Variants in VCAN observed in about 807,000 individuals in gnomAD.
The protein encoded by VCAN is versican core protein.
Under a neutral mutation model 245.5 loss-of-function variants are expected in VCAN, and 44 were observed. The ratio of observed to expected loss-of-function variants is 0.18; its 90% CI spans 0.14 to 0.23. The LOEUF (loss-of-function observed/expected upper bound fraction) is 0.23, where lower values mean the gene tolerates loss of function less well. Ranked by LOEUF, VCAN falls within the 10% of genes least tolerant of loss-of-function variation. VCAN has a pLI of 1.00. For synonymous variants in VCAN, 1,413 were observed against 1,437.0 expected (o/e 0.98, Z 0.38); for missense variants, 3,793 against 4,057.9 (o/e 0.93, Z 1.77).
At chr5:83,536,010 T>C (rs1247990677) in intron 7 of VCAN, 1 of 152,192 alleles carries the variant, frequency 6.6e-6, no homozygotes, top group Non-Finnish European at 1.5e-5. Context: ...CCTCAGAATT[T>C]CCTCTTTCCT....
chr5:83,511,317 A>C (rs1243069495), intron 5 of VCAN, among the ~76,000 whole-genome samples: 1 of 152,044 alleles, frequency 6.6e-6, no homozygotes, highest in East Asian at 2.0e-4. Flanking sequence ...TGTCTTTGTA[A>C]GAATTAGCAA....
Position 83,519,710 on chromosome 5 carries a change from T to C in VCAN, c.1404T>C (p.His468=). 2 of 1,614,186 alleles carry C rather than the reference T, an allele frequency of 1.2e-6. No homozygotes were observed. The highest frequency in any genetic ancestry group is 1.1e-5 in the South Asian group (1 of 91,084). ...EVLQSTTGVS[H]YATDSWDGVV... is the part of the protein sequence containing the mutation. ...TCCAGAGTACAACTGGCGTCTCTCA[T>C]TATGCTACGGATTCATGGGATGGTG... The change falls in exon 7 of 15, where the codon CAT becomes CAC. Residue 468 remains histidine, a synonymous_variant. Transcript: ENST00000265077.
At position 83,519,819 on chromosome 5, in the gene VCAN, T is replaced by C. The variant is rs1262860008; in HGVS notation, c.1513T>C (p.Leu505=). 1.2e-6 allele frequency: 2 copies of C among 1,614,028 alleles called. No homozygotes were observed. The highest frequency in any genetic ancestry group is 2.7e-5 in the African/African-American group (2 of 74,924). Reference sequence around the variant, plus strand: ...TCCTTTGGTAACATCTATGGAAATCTTAAAGCACATTCCTTCCAAGGAATT... The same window carrying C: ...TCCTTTGGTAACATCTATGGAAATCCTAAAGCACATTCCTTCCAAGGAATT... ...VGPLVTSMEI[L]KHIPSKEFPV... is the part of the protein sequence containing the mutation. Residue 505 remains leucine, a synonymous_variant, in exon 7 of 15, where the codon TTA becomes CTA. Coordinates refer to ENST00000265077, the MANE Select transcript of VCAN (RefSeq NM_004385.5).
At chr5:83,545,463 G>C in intron 8 of VCAN, 74 bp from the exon 9 acceptor site, 1 of 1,155,046 alleles carries the variant, frequency 8.7e-7, no homozygotes, top group Non-Finnish European at 1.3e-6. Flanking sequence ...GCAATATGGG[G>C]CGTTTTATGC....
chr5:83,537,824 T>C lies in VCAN; in HGVS notation c.4821T>C (p.Pro1607=). The change falls in exon 8 of 15, where the codon CCT becomes CCC. Residue 1607 remains proline (P), a synonymous_variant. Coordinates refer to ENST00000265077, the MANE Select transcript of VCAN (RefSeq NM_004385.5). ...EEEAVTLIGN[P]WPDDLLSTKE... ...AAGCAGTTACCCTAATAGGAAATCCTTGGCCAGATGACCTGTTGTCTACCA... is the reference window on the plus strand; with the variant it reads ...AAGCAGTTACCCTAATAGGAAATCCCTGGCCAGATGACCTGTTGTCTACCA... 1 of 1,614,060 alleles carries C rather than the reference T, an allele frequency of 6.2e-7. No homozygotes were observed.
chr5:83,559,975 A>G (rs1747806921), intron 12 of VCAN, among the ~76,000 whole-genome samples: 1 of 151,404 alleles, frequency 6.6e-6, no homozygotes, highest in Admixed American at 6.6e-5. Flanking sequence ...ACATCAAAAC[A>G]TAATAGATGG....
chr5:83,548,288 G>A (rs1438268445), intron 10 of VCAN, among the ~76,000 whole-genome samples: 1 of 152,134 alleles, frequency 6.6e-6, no homozygotes, highest in Non-Finnish European at 1.5e-5. Context: ...CAGGCAAACT[G>A]AGCTGAATTT....
rs1356058772 is a variant in VCAN at position 83,580,677 on chromosome 5, T to C, written c.*243T>C. The C allele has an allele frequency of 1.1e-5, 6 of 524,010 alleles. No homozygotes were observed. In the Admixed American group the frequency reaches 1.3e-4, roughly 11 times the overall value. The allele number at this position is 524,010 out of a possible 1,614,324, so 32.5% of individuals were successfully genotyped here. ...GCATTTCCAGCCTATCTAATTTCTTTAGTTTTCTATTTGCCTCCAGTGCAG... is the reference window on the plus strand; with the variant it reads ...GCATTTCCAGCCTATCTAATTTCTTCAGTTTTCTATTTGCCTCCAGTGCAG... On this transcript the variant is annotated 3_prime_UTR_variant, in exon 15 of 15. Transcript: ENST00000265077.
At chr5:83,550,703 A>G (rs1249420867) in intron 10 of VCAN, among the ~76,000 whole-genome samples, 1 of 152,032 alleles carries the variant, frequency 6.6e-6, no homozygotes, top group African/African-American at 2.4e-5. Flanking sequence ...CCTGGCCAAC[A>G]TGGCGAAACC....
At chr5:83,529,597 C>T (rs1021919284) in intron 7 of VCAN, among the ~76,000 whole-genome samples, 3 of 152,004 alleles carry the variant, frequency 2.0e-5, no homozygotes, top group African/African-American at 7.2e-5. Flanking sequence ...AACCAATCCC[C>T]CATGGCTACT....
chr5:83,535,178 G>T (rs1360350733), intron 7 of VCAN, among the ~76,000 whole-genome samples: 1 of 152,004 alleles, frequency 6.6e-6, no homozygotes, highest in Admixed American at 6.6e-5. Context: ...CTTTGTGGTA[G>T]AAATATTTTC....
chr5:83,528,315 A>G (rs1746377875), intron 7 of VCAN, among the ~76,000 whole-genome samples: 2 of 152,184 alleles, frequency 1.3e-5, no homozygotes, highest in African/African-American at 4.8e-5. Context: ...CAATCCAATT[A>G]TGAGAGGCCA....
intron 5 of VCAN, among the ~76,000 whole-genome samples, chr5:83,505,969 C>A (rs774885278): frequency 3.3e-5 from 5 of 152,222 alleles, no homozygotes; most frequent in Non-Finnish European, 7.4e-5. Context: ...ACTGGCCCCA[C>A]TCAGCCACGG....
rs544083671 is a variant in VCAN, at chr5:83,579,571, G to A, written c.9881-409G>A. On this transcript the variant is annotated intron_variant, in intron 13 of 14. Coordinates refer to ENST00000265077, the MANE Select transcript of VCAN (RefSeq NM_004385.5). ...AGCCACTGTGCCTGGCCTGTAGATT[G>A]TACGTTTTTATAAGGAGGTAATAGT... Among the ~76,000 whole-genome samples, 88 of 152,054 alleles carry A rather than the reference G, an allele frequency of 5.8e-4. 1 individual carries two copies. The highest frequency in any genetic ancestry group is 1.1e-3 in the Non-Finnish European group (76 of 67,996).
chr5:83,545,180 C>A, intron 8 of VCAN: 1 of 337,444 alleles, frequency 3.0e-6, no homozygotes, highest in South Asian at 3.1e-5. Context: ...TAAAAGAATA[C>A]ATTTTCCATT....
At chr5:83,559,304 T>A (rs1338691488) in intron 12 of VCAN, among the ~76,000 whole-genome samples, 1 of 152,192 alleles carries the variant, frequency 6.6e-6, no homozygotes, top group East Asian at 1.9e-4. Flanking sequence ...TGTTTTCCAG[T>A]GCTAATGACC....
In VCAN at chr5:83,538,508, G is replaced by T. The variant is rs1247428193; in HGVS notation, c.5505G>T (p.Gln1835His). The change falls in exon 8 of 15, where the codon CAG (glutamine) becomes CAT (histidine). Residue 1835 changes from glutamine to histidine, a missense_variant. Gln to His is a conservative substitution (Grantham distance 24). This residue lies in a region of VCAN where 3,182 missense variants were observed against 3,250.3 expected (regional missense o/e 0.98). Transcript: ENST00000265077. ...PRSPASVFMEQGSGEAAADPE... is the reference protein window; with the variant it reads ...PRSPASVFMEHGSGEAAADPE... ...GTCCTGCCTCTGTCTTTATGGAGCA[G>T]GGCTCTGGAGAAGCTGCTGCCGACC... 2 of 1,613,944 alleles carry T rather than the reference G, an allele frequency of 1.2e-6. No homozygotes were observed. Among genetic ancestry groups the T allele is most frequent in the Non-Finnish European group, 1.7e-6 (2 of 1,179,938 alleles).
chr5:83,488,203 A>G lies in VCAN; in HGVS notation c.71-1895A>G, dbSNP rs74854034. Among the ~76,000 whole-genome samples, 8 of 152,314 alleles carry G rather than the reference A, an allele frequency of 5.3e-5. No homozygotes were observed. The East Asian group carries it at 1.2e-3, about 22-fold the overall frequency. ...CATCTCCCTAATTAGGTCCAAATTA[A>G]AGGAATGTGAAATAGGTAGAAGGTA... On this transcript the variant is annotated intron_variant, in intron 2 of 14. Coordinates refer to ENST00000265077, the MANE Select transcript of VCAN (RefSeq NM_004385.5).
intron 12 of VCAN, among the ~76,000 whole-genome samples, chr5:83,557,960 C>G (rs1375051113): frequency 6.6e-6 from 1 of 152,128 alleles, no homozygotes; most frequent in Non-Finnish European, 1.5e-5. Context: ...GACAGACCCT[C>G]GGTTTCTTCT....
Sources: gnomAD v4.1 joint callset for allele counts (sites outside exome capture counted in the v4.1 genomes callset) on GRCh38, gnomAD v4.1.1 for gene constraint, gnomAD v4.1.1 regional missense constraint, MANE v1.5 for transcripts, NCBI Gene and HGNC (gene_info 2026-07-23, HGNC 2026-07-21) for gene names.